The following EYS variants were observed in gnomAD, a reference collection of about 807,000 sequenced individuals.
The protein encoded by EYS is protein eyes shut homolog.
A neutral mutation model predicts 282.1 loss-of-function variants in EYS; 250 were observed. That is an observed-to-expected ratio of 0.89 (90% CI 0.80 to 0.98). EYS has a LOEUF of 0.98. Ranked by LOEUF, EYS falls within the 50% of genes least tolerant of loss-of-function variation. The pLI is 0.00. For synonymous variants in EYS, 1,355 were observed against 1,282.9 expected, an observed-to-expected ratio of 1.06 and a Z score of -1.20; for missense variants, 4,016 against 3,709.0, an observed-to-expected ratio of 1.08 and a Z score of -2.15.
intron 22 of EYS, among the ~76,000 whole-genome samples, chr6:64,633,543 C>A (rs1356344606): frequency 6.7e-6 from 1 of 150,290 alleles, no homozygotes; most frequent in Non-Finnish European, 1.5e-5. Context: ...AATAAGAATG[C>A]ATTATTTAGC....
At chr6:63,947,918 C>G (rs1765447211) in intron 35 of EYS, among the ~76,000 whole-genome samples, 1 of 152,106 alleles carries the variant, frequency 6.6e-6, no homozygotes, top group Non-Finnish European at 1.5e-5. Context: ...GCCAATATAG[C>G]AAGGTTTTTA....
At chr6:65,403,338 C>T (rs1766589719) in intron 6 of EYS, among the ~76,000 whole-genome samples, 1 of 151,914 alleles carries the variant, frequency 6.6e-6, no homozygotes, top group South Asian at 2.1e-4. Context: ...AAAATACAAC[C>T]TAATCATCAT....
chr6:65,489,614 T>G (rs528841102), intron 5 of EYS: 1 of 152,212 alleles, frequency 6.6e-6, no homozygotes, highest in East Asian at 1.9e-4. Context: ...GACCCAGCAA[T>G]CCCATTGCTG....
intron 11 of EYS, among the ~76,000 whole-genome samples, chr6:65,333,049 G>A (rs946257913): frequency 2.7e-5 from 4 of 150,374 alleles, no homozygotes; most frequent in African/African-American, 7.3e-5. Context: ...ATTCTTTATT[G>A]TTTATCTATA....
At chr6:64,399,066 T>C (rs954290230) in intron 28 of EYS, among the ~76,000 whole-genome samples, 1 of 151,816 alleles carries the variant, frequency 6.6e-6, no homozygotes, top group Non-Finnish European at 1.5e-5. Flanking sequence ...TGGAAAAAGT[T>C]TGTACTGTTT....
At chr6:65,347,972 C>G (rs1396795283) in intron 9 of EYS, among the ~76,000 whole-genome samples, 1 of 151,600 alleles carries the variant, frequency 6.6e-6, no homozygotes, top group African/African-American at 2.4e-5. Flanking sequence ...TACATGAGAA[C>G]ATGTGAATTT....
At chr6:64,328,560 G>T (rs1318979457) in intron 29 of EYS, among the ~76,000 whole-genome samples, 1 of 152,192 alleles carries the variant, frequency 6.6e-6, no homozygotes, top group Non-Finnish European at 1.5e-5. Flanking sequence ...AGAGGCTGCG[G>T]GTAATCAGTG....
intron 41 of EYS, among the ~76,000 whole-genome samples, chr6:63,732,121 T>C (rs568818291): frequency 5.9e-5 from 9 of 152,066 alleles, no homozygotes; most frequent in African/African-American, 1.9e-4. Context: ...TTGAGAATTA[T>C]CTGTGCACAT....
At chr6:65,287,561 C>A (rs942069484) in intron 12 of EYS, among the ~76,000 whole-genome samples, 20 of 151,226 alleles carry the variant, frequency 1.3e-4, no homozygotes, top group Admixed American at 1.2e-3. Context: ...TATAATTATG[C>A]AAACAATGTT....
At chr6:64,559,986 C>T (rs1394070894) in intron 26 of EYS, among the ~76,000 whole-genome samples, 1 of 152,016 alleles carries the variant, frequency 6.6e-6, no homozygotes, top group Non-Finnish European at 1.5e-5. Flanking sequence ...CATCTAGCTC[C>T]CACTTATAAG....
At chr6:65,087,669 C>T (rs992660436) in intron 12 of EYS, among the ~76,000 whole-genome samples, 2 of 152,034 alleles carry the variant, frequency 1.3e-5, no homozygotes, top group Non-Finnish European at 1.5e-5. Flanking sequence ...ACACACTAAA[C>T]CCCTCATGTC....
chr6:65,492,394 AGAAG>A (rs199509631), intron 4 of EYS, among the ~76,000 whole-genome samples: 370 of 151,624 alleles, frequency 2.4e-3, no homozygotes, highest in Middle Eastern at 6.9e-3. Flanking sequence ...AAAGAAGGAA[AGAAG>A]GAAGGAAGGA....
intron 26 of EYS, among the ~76,000 whole-genome samples, chr6:64,457,119 T>A (rs1775581411): frequency 6.6e-6 from 1 of 152,064 alleles, no homozygotes; most frequent in Non-Finnish European, 1.5e-5. Flanking sequence ...TCAATTTATT[T>A]ATTAACTCCT....
chr6:63,811,699 G>T (rs1771050793), intron 36 of EYS, among the ~76,000 whole-genome samples: 3 of 151,864 alleles, frequency 2.0e-5, no homozygotes, highest in Middle Eastern at 3.4e-3. Context: ...ATTTCAAACT[G>T]ATCATACACA....
chr6:63,852,111 C>T (rs1252756937), intron 36 of EYS, among the ~76,000 whole-genome samples: 203 of 138,416 alleles, frequency 1.5e-3, no homozygotes, highest in African/African-American at 5.3e-3. Flanking sequence ...GAGCCGAGAT[C>T]CCGCCACTGC....
At chr6:65,291,587 T>A (rs1007819038) in intron 12 of EYS, among the ~76,000 whole-genome samples, 8 of 151,522 alleles carry the variant, frequency 5.3e-5, no homozygotes, top group African/African-American at 1.9e-4. Context: ...TAACCTTTCA[T>A]AAGGGAGGTT....
intron 1 of EYS, among the ~76,000 whole-genome samples, chr6:65,664,103 C>T (rs1043966758): frequency 2.0e-5 from 3 of 152,004 alleles, no homozygotes; most frequent in Non-Finnish European, 2.9e-5. Context: ...ATCTCCTGAC[C>T]TCGTGATCCG....
At chr6:65,536,290 A>G (rs918268342) in intron 2 of EYS, among the ~76,000 whole-genome samples, 3 of 151,754 alleles carry the variant, frequency 2.0e-5, no homozygotes, top group African/African-American at 7.3e-5. Flanking sequence ...TAGGAAGATA[A>G]TATAGGGCAA....
intron 28 of EYS, among the ~76,000 whole-genome samples, chr6:64,419,440 A>C (rs1774158322): frequency 2.6e-5 from 4 of 152,212 alleles, no homozygotes; most frequent in Admixed American, 2.6e-4. Context: ...CCTTTCCAAC[A>C]GTCCCTCAAA....
Sources: gnomAD v4.1 joint callset for allele counts (sites outside exome capture counted in the v4.1 genomes callset) on GRCh38, gnomAD v4.1.1 for gene constraint, MANE v1.5 for transcripts, NCBI Gene and HGNC (gene_info 2026-07-23, HGNC 2026-07-21) for gene names.